DGKB: variants seen among roughly 807,000 people sequenced by gnomAD.
The protein encoded by DGKB is 90 kDa diacylglycerol kinase.
A neutral mutation model predicts 114.3 loss-of-function variants in DGKB; 67 were observed. The observed-to-expected ratio is 0.59, with a 90% CI of 0.48 to 0.72. The LOEUF (loss-of-function observed/expected upper bound fraction) is 0.72, where lower values mean the gene tolerates loss of function less well. DGKB is among the 30% of genes least tolerant of loss of function. DGKB has a pLI of 0.00. For synonymous variants in DGKB, 398 were observed against 323.1 expected (o/e 1.23, Z -2.49); for missense variants, 907 against 975.2 (o/e 0.93, Z 0.93).
chr7:14,677,645 G>A (rs1175566511), intron 12 of DGKB, among the ~76,000 whole-genome samples: 1 of 151,902 alleles, frequency 6.6e-6, no homozygotes, highest in Admixed American at 6.6e-5. Context: ...ACCTTGACAA[G>A]CAATGATTCA....
Position 14,689,196 on chromosome 7 carries a change from C to T in DGKB, c.712-3834G>A, listed in dbSNP as rs575788970. Among the ~76,000 whole-genome samples the T allele has an allele frequency of 3.1e-3, 251 of 80,212 alleles. 1 individual carries two copies. Among genetic ancestry groups the T allele is most frequent in the Middle Eastern group, 5.7e-3 (1 of 174 alleles). 52.6% of individuals were successfully genotyped at this position (80,212 alleles called of 152,430 possible). ...TTATGACAATGTGACAGAAACTCCT[C>T]TTATTTTTTTTTTTTTTTTTTTTTT... On this transcript the variant is annotated intron_variant, in intron 9 of 25. Transcript: ENST00000402815.
intron 23 of DGKB, among the ~76,000 whole-genome samples, chr7:14,251,887 C>T (rs1485308951): frequency 6.6e-6 from 1 of 152,046 alleles, no homozygotes; most frequent in Admixed American, 6.6e-5. Context: ...CAGAGATTTC[C>T]TTTGTGTAAC....
intron 23 of DGKB, among the ~76,000 whole-genome samples, chr7:14,249,748 T>G (rs1186324470): frequency 2.0e-5 from 3 of 152,098 alleles, no homozygotes; most frequent in East Asian, 3.9e-4. Flanking sequence ...AATTAAAGGT[T>G]TGTAATTTTT....
At chr7:14,169,160 C>T (rs908317771) in intron 25 of DGKB, among the ~76,000 whole-genome samples, 2 of 151,162 alleles carry the variant, frequency 1.3e-5, no homozygotes, top group African/African-American at 4.9e-5. Flanking sequence ...GAGATCAAGA[C>T]CACCCTGGCT....
intron 4 of DGKB, among the ~76,000 whole-genome samples, chr7:14,741,384 T>C (rs1397124854): frequency 6.6e-6 from 1 of 152,222 alleles, no homozygotes; most frequent in Non-Finnish European, 1.5e-5. Flanking sequence ...GTAGCCAATC[T>C]GTTGTGCTCT....
At chr7:14,828,485 C>A (rs1026854966) in intron 2 of DGKB, among the ~76,000 whole-genome samples, 1 of 152,058 alleles carries the variant, frequency 6.6e-6, no homozygotes, top group East Asian at 1.9e-4. Flanking sequence ...CTCACCTTCA[C>A]GGGAAGGGGC....
intron 1 of DGKB, among the ~76,000 whole-genome samples, chr7:14,889,768 A>G (rs1356514398): frequency 6.6e-6 from 1 of 151,614 alleles, no homozygotes; most frequent in Non-Finnish European, 1.5e-5. Context: ...CCAAACTGAC[A>G]AAAACAAAAA....
intron 13 of DGKB, among the ~76,000 whole-genome samples, chr7:14,637,049 C>T (rs1299541208): frequency 2.6e-5 from 4 of 151,764 alleles, no homozygotes; most frequent in African/African-American, 9.7e-5. Flanking sequence ...ATACATAGCG[C>T]ACAAGAAGCT....
At chr7:14,208,561 T>C (rs1473761265) in intron 23 of DGKB, among the ~76,000 whole-genome samples, 1 of 152,070 alleles carries the variant, frequency 6.6e-6, no homozygotes, top group Admixed American at 6.6e-5. Context: ...CTCTTTCTTC[T>C]GTGTTATGCA....
At chr7:14,581,750 A>T (rs985899958) in intron 18 of DGKB, among the ~76,000 whole-genome samples, 1 of 152,142 alleles carries the variant, frequency 6.6e-6, no homozygotes, top group Admixed American at 6.5e-5. Context: ...GAAATGTCAC[A>T]ATGAAATAGC....
At chr7:14,717,582 T>A (rs899341614) in intron 6 of DGKB, among the ~76,000 whole-genome samples, 1 of 152,120 alleles carries the variant, frequency 6.6e-6, no homozygotes, top group Admixed American at 6.6e-5. Flanking sequence ...AAATCCTTTA[T>A]GGGAAGAAGA....
intron 12 of DGKB, among the ~76,000 whole-genome samples, chr7:14,677,030 G>T (rs1819986494): frequency 6.6e-6 from 1 of 151,822 alleles, no homozygotes; most frequent in Non-Finnish European, 1.5e-5. Context: ...GCTTTTCCTG[G>T]AAGTGAATTA....
intron 20 of DGKB, among the ~76,000 whole-genome samples, chr7:14,543,174 G>A (rs752318759): frequency 4.6e-5 from 7 of 152,292 alleles, no homozygotes; most frequent in African/African-American, 4.8e-5. Context: ...CCATGGCCAG[G>A]CATAGTGGCT....
chr7:14,353,883 T>G (rs1435563898), intron 21 of DGKB, among the ~76,000 whole-genome samples: 1 of 152,212 alleles, frequency 6.6e-6, no homozygotes, highest in East Asian at 1.9e-4. Context: ...TCATCTGACT[T>G]GCTGTCCCCC....
chr7:14,972,795 G>T (rs1411679231), intron 1 of DGKB, among the ~76,000 whole-genome samples: 1 of 152,018 alleles, frequency 6.6e-6, no homozygotes, highest in Non-Finnish European at 1.5e-5. Flanking sequence ...TTAAAATGTA[G>T]TTATAGCGAA....
At chr7:14,695,618 G>A (rs1290233095) in intron 8 of DGKB, among the ~76,000 whole-genome samples, 16 of 148,314 alleles carry the variant, frequency 1.1e-4, no homozygotes, top group Non-Finnish European at 2.2e-4. Context: ...TCCTGCCTCA[G>A]CCTCCCGAGT....
intron 8 of DGKB, among the ~76,000 whole-genome samples, chr7:14,695,678 T>C (rs1007656652): frequency 6.6e-6 from 1 of 151,618 alleles, no homozygotes; most frequent in African/African-American, 2.4e-5. Context: ...TTTTTTTGTG[T>C]GTGTATTTTT....
chr7:14,373,871 C>G (rs1818071911), intron 21 of DGKB, among the ~76,000 whole-genome samples: 1 of 151,780 alleles, frequency 6.6e-6, no homozygotes. Context: ...TTTCATTTTT[C>G]TGAGATTTCT....
intron 1 of DGKB, among the ~76,000 whole-genome samples, chr7:14,874,631 A>G (rs543618049): frequency 1.7e-3 from 258 of 152,184 alleles, no homozygotes; most frequent in African/African-American, 6.1e-3. Context: ...GGTAGTTAAT[A>G]TGTTTCCTCT....
Sources: gnomAD v4.1 joint callset for allele counts (sites outside exome capture counted in the v4.1 genomes callset) on GRCh38, gnomAD v4.1.1 for gene constraint, MANE v1.5 for transcripts, NCBI Gene and HGNC (gene_info 2026-07-23, HGNC 2026-07-21) for gene names.